SECISBP2: variants seen among roughly 807,000 people sequenced by gnomAD.
SECISBP2 encodes the protein selenocysteine insertion sequence-binding protein 2.
In SECISBP2, 96 loss-of-function variants were observed where a neutral mutation model predicts 98.2. The observed-to-expected ratio is 0.98, with a 90% CI of 0.83 to 1.16. The LOEUF is 1.16. Among genes scored for constraint, SECISBP2 ranks in the 50% most tolerant of loss-of-function variants. The pLI, the probability that SECISBP2 is intolerant of heterozygous loss-of-function variation, is 0.00. For missense variants in SECISBP2, 1,046 were observed against 1,022.9 expected, an observed-to-expected ratio of 1.02 and a Z score of -0.31; for synonymous variants, 407 against 370.2, an observed-to-expected ratio of 1.10 and a Z score of -1.14.
At chr9:89,334,296 C>T in intron 6 of SECISBP2, 3 of 1,008,350 alleles carry the variant, frequency 3.0e-6, no homozygotes, top group Non-Finnish European at 4.1e-6. Flanking sequence ...AACCAGTTTC[C>T]AGGAAAATTA....
downstream of SECISBP2, chr9:89,361,686 C>G (rs998397827): frequency 6.6e-5 from 10 of 152,216 alleles, no homozygotes; most frequent in African/African-American, 1.9e-4. Flanking sequence ...TGTCCTGTTG[C>G]AGAAGCTGAG....
At chr9:89,319,627 G>A in intron 1 of SECISBP2, 25 bp from the exon 2 acceptor site, 1 of 1,613,846 alleles carries the variant, frequency 6.2e-7, no homozygotes, top group South Asian at 1.1e-5. Context: ...AATGTTTGTG[G>A]CCAAAACCTC....
chr9:89,347,377 C>G (rs1029075141), intron 11 of SECISBP2, among the ~76,000 whole-genome samples: 1 of 151,710 alleles, frequency 6.6e-6, no homozygotes, highest in African/African-American at 2.4e-5. Context: ...CCTACCCTAG[C>G]TGATATTTCT....
chr9:89,338,786 C>G (rs752231825), intron 8 of SECISBP2, among the ~76,000 whole-genome samples: 1 of 152,150 alleles, frequency 6.6e-6, no homozygotes, highest in Non-Finnish European at 1.5e-5. Flanking sequence ...CAGTGAACAT[C>G]CAAATGAATG....
rs1832547306 is a variant in SECISBP2, at chr9:89,359,144, C to T, written c.*320C>T. 2.8e-6 allele frequency: 1 copy of T among 363,516 alleles called. No homozygotes were observed. The highest frequency in any genetic ancestry group is 5.3e-6 in the Non-Finnish European group (1 of 189,822). 22.5% of individuals were successfully genotyped at this position (363,516 alleles called of 1,614,324 possible). A position where few individuals can be genotyped will look rare whatever the true frequency, so the allele number is the denominator to read the frequency against. ...ACTTTGGCTGCTAAGGAAACTTCCT[C>T]TCCATTGCAGAATAGCTGAGCCAAG... On this transcript the variant is annotated 3_prime_UTR_variant, in exon 17 of 17. Coordinates refer to ENST00000375807, the MANE Select transcript of SECISBP2 (RefSeq NM_024077.5).
chr9:89,333,352 G>T (rs918550384), intron 6 of SECISBP2, among the ~76,000 whole-genome samples: 4 of 152,300 alleles, frequency 2.6e-5, no homozygotes, highest in African/African-American at 7.2e-5. Flanking sequence ...GTCAACATTT[G>T]CCCTATTCAA....
chr9:89,351,731 C>A (rs563035401), intron 14 of SECISBP2, among the ~76,000 whole-genome samples: 1 of 152,298 alleles, frequency 6.6e-6, no homozygotes, highest in East Asian at 1.9e-4. Context: ...AGCAGCTCGT[C>A]CCTGTCCTAA....
chr9:89,328,402 G>GACTATACAT (rs1342817739), intron 4 of SECISBP2, among the ~76,000 whole-genome samples: 8 of 152,192 alleles, frequency 5.3e-5, no homozygotes, highest in Non-Finnish European at 1.2e-4. Context: ...TGTGGCGCGT[G>GACTATACAT]ACTATACATA....
the SECISBP2 span, chr9:89,367,028 A>AC: frequency 2.0e-5 from 3 of 152,500 alleles, no homozygotes; most frequent in African/African-American, 4.8e-5. Flanking sequence ...GCAGAAACAG[A>AC]CACGTGCTTA....
rs968893161 is a variant in SECISBP2 at position 89,318,892 on chromosome 9, G to C, written c.36+280G>C. Reference sequence around the variant, plus strand: ...GCGGCCCAGCCCGGCGCTCCCCGCAGTCGGGGCGGGGGGACTCTGGCGAGC... The same window carrying C: ...GCGGCCCAGCCCGGCGCTCCCCGCACTCGGGGCGGGGGGACTCTGGCGAGC... On this transcript the variant is annotated intron_variant, in intron 1 of 16. Coordinates refer to ENST00000375807, the MANE Select transcript of SECISBP2 (RefSeq NM_024077.5). 8.0e-6 allele frequency: 10 copies of C among 1,243,372 alleles called. No individual in the cohort carries two copies. The Admixed American group carries it at 2.6e-4, about 32-fold the overall frequency. The allele number at this position is 1,243,372 out of a possible 1,614,324, so 77.0% of individuals were successfully genotyped here.
chr9:89,357,288 C>A, intron 14 of SECISBP2, 123 bp from the exon 15 acceptor site: 2 of 1,024,130 alleles, frequency 2.0e-6, no homozygotes, highest in Non-Finnish European at 3.1e-6. Context: ...TTTTCAGGGG[C>A]GTCTGCCTTG....
At chr9:89,328,597 T>C (rs1451449299) in intron 4 of SECISBP2, 63 bp from the exon 5 acceptor site, 2 of 1,361,190 alleles carry the variant, frequency 1.5e-6, no homozygotes, top group East Asian at 4.7e-5. Context: ...CAATTTTTGC[T>C]TGCATACTGG....
At chr9:89,341,162 A>G (rs2131837883) in intron 9 of SECISBP2, among the ~76,000 whole-genome samples, 185 bp from the exon 10 acceptor site, 1 of 152,354 alleles carries the variant, frequency 6.6e-6, no homozygotes, top group Non-Finnish European at 1.5e-5. Flanking sequence ...GGAAGACATA[A>G]ACAACCATGG....
In SECISBP2 at chr9:89,324,940, C is replaced by T. The variant is rs58584709; in HGVS notation, c.183-487C>T. On this transcript the variant is annotated intron_variant, in intron 2 of 16. Transcript: ENST00000375807. The stretch of plus-strand genomic sequence containing the variant: ...AGTGTGTAGTTAACATCCACGGTGC[C>T]GTGCGGTGTCTGCTTTGCGCTCTGA... 1,776 of 192,670 alleles carry T rather than the reference C, an allele frequency of 9.2e-3. 44 individuals are homozygous for T. The highest frequency in any genetic ancestry group is 0.048 in the East Asian group (326 of 6,788). The allele number at this position is 192,670 out of a possible 1,614,324, so 11.9% of individuals were successfully genotyped here.
At position 89,358,817 on chromosome 9, in the gene SECISBP2, A is replaced by G; in HGVS notation, c.2558A>G (p.Asn853Ser). The G allele has an allele frequency of 6.2e-7, 1 of 1,604,034 alleles. No homozygotes were observed. The highest frequency in any genetic ancestry group is 8.5e-7 in the Non-Finnish European group (1 of 1,170,906). Reference protein sequence around the residue: ...EASTSQMMNLNL With the variant: ...EASTSQMMNLSL Reference sequence around the variant, plus strand: ...TCAACCTCTCAAATGATGAATTTGAATTTATGAGAGTTCTTGCCTGTGTGT... The same window carrying G: ...TCAACCTCTCAAATGATGAATTTGAGTTTATGAGAGTTCTTGCCTGTGTGT... Residue 853 changes from asparagine to serine, a missense_variant, in exon 17 of 17, where the codon AAT (asparagine) becomes AGT (serine). By Grantham distance (46) the Asn-to-Ser change is conservative. Transcript: ENST00000375807.
intron 10 of SECISBP2, among the ~76,000 whole-genome samples, chr9:89,345,982 A>C (rs1830362766): frequency 6.6e-6 from 1 of 152,240 alleles, no homozygotes; most frequent in African/African-American, 2.4e-5. Flanking sequence ...GCAGTGAATC[A>C]GACAGTCAGA....
At chr9:89,360,358 G>T (rs912957246), downstream of SECISBP2, among the ~76,000 whole-genome samples, 5 of 152,220 alleles carry the variant, frequency 3.3e-5, no homozygotes, top group Non-Finnish European at 7.3e-5. Flanking sequence ...ATTTGAGAAT[G>T]AAAGTTCCAA....
chr9:89,340,020 G>GAA, intron 9 of SECISBP2, 67 bp downstream of exon 9: 4 of 1,148,566 alleles, frequency 3.5e-6, no homozygotes, highest in Non-Finnish European at 5.2e-6. Context: ...AAATGCTTGA[G>GAA]AAAAACTGCT....
chr9:89,328,524 G>A (rs1028912154), intron 4 of SECISBP2, 136 bp from the exon 5 acceptor site: 25 of 708,684 alleles, frequency 3.5e-5, no homozygotes, highest in African/African-American at 1.4e-4. Context: ...GAACAACACC[G>A]GTAAGAGTTA....
Sources: allele counts gnomAD v4.1 joint callset (sites outside exome capture counted in the v4.1 genomes callset), GRCh38; gene constraint gnomAD v4.1.1; transcripts MANE v1.5; gene names NCBI Gene and HGNC (gene_info 2026-07-23, HGNC 2026-07-21).